TSC22D3: variants seen among roughly 807,000 people sequenced by gnomAD.
TSC22D3 encodes the protein TSC22 domain family protein 3.
TSC22D3 carries 4 observed loss-of-function variants against 11.1 expected under a neutral mutation model. That is an observed-to-expected ratio of 0.36 (90% CI 0.18 to 0.83). The LOEUF (loss-of-function observed/expected upper bound fraction) is 0.83, where lower values mean the gene tolerates loss of function less well. Ranked by LOEUF, TSC22D3 falls within the 40% of genes least tolerant of loss-of-function variation. The pLI is 0.48. For missense variants in TSC22D3, 118 were observed against 159.4 expected (o/e 0.74, Z 1.40); for synonymous variants, 77 against 70.3 (o/e 1.10, Z -0.48).
At chrX:107,735,341 G>A (rs1928082585) in intron 1 of TSC22D3, among the ~76,000 whole-genome samples, 4 of 111,661 alleles carry the variant, frequency 3.6e-5, no homozygotes, top group African/African-American at 9.8e-5. Flanking sequence ...CCCCTCTCAG[G>A]GCCTTGGTTT....
intron 1 of TSC22D3, among the ~76,000 whole-genome samples, chrX:107,736,466 TCTC>T (rs1314163156): frequency 9.0e-6 from 1 of 111,647 alleles, no homozygotes; most frequent in Non-Finnish European, 1.9e-5. Context: ...TTTATATTCT[TCTC>T]CTCATTCCTA....
intron 1 of TSC22D3, among the ~76,000 whole-genome samples, chrX:107,725,741 GA>G (rs1927587798): frequency 8.9e-6 from 1 of 111,736 alleles, no homozygotes; most frequent in Non-Finnish European, 1.9e-5. Flanking sequence ...AAGAGGAACG[GA>G]TGCCTTTTAA....
At chrX:107,743,363 G>C (rs1009530995) in intron 1 of TSC22D3, among the ~76,000 whole-genome samples, 9 of 112,310 alleles carry the variant, frequency 8.0e-5, no homozygotes, top group African/African-American at 2.9e-4. Context: ...CATCTAGTCT[G>C]ACCCTTTCAT....
intron 1 of TSC22D3, chrX:107,716,417 G>T (rs1927033579): frequency 1.0e-6 from 1 of 966,159 alleles, no homozygotes; most frequent in South Asian, 3.1e-5. Flanking sequence ...AGCCCTGTCT[G>T]GTCCTGCCCG....
intron 1 of TSC22D3, among the ~76,000 whole-genome samples, chrX:107,761,216 C>T (rs766584836): frequency 8.9e-6 from 1 of 112,375 alleles, no homozygotes; most frequent in Non-Finnish European, 1.9e-5. Flanking sequence ...CACATACTGG[C>T]TAATGTCCTC....
intron 1 of TSC22D3, among the ~76,000 whole-genome samples, chrX:107,725,100 A>G (rs2147731727): frequency 8.9e-6 from 1 of 112,359 alleles, no homozygotes; most frequent in Non-Finnish European, 1.9e-5. Context: ...ATGCCTTTGG[A>G]TTCCAATGAT....
intron 1 of TSC22D3, among the ~76,000 whole-genome samples, chrX:107,729,074 T>C (rs1189998575): frequency 8.9e-6 from 1 of 112,506 alleles, no homozygotes; most frequent in Non-Finnish European, 1.9e-5. Context: ...GATTGTTTTC[T>C]CCTTCTGTTC....
intron 1 of TSC22D3, among the ~76,000 whole-genome samples, chrX:107,726,495 TAAC>T (rs918296399): frequency 1.8e-5 from 2 of 112,210 alleles, no homozygotes; most frequent in African/African-American, 6.5e-5. Context: ...CAGCCTAAAA[TAAC>T]ATCCCCGGCC....
chrX:107,774,340 C>T (rs1930038904), intron 1 of TSC22D3, among the ~76,000 whole-genome samples: 1 of 111,026 alleles, frequency 9.0e-6, no homozygotes, highest in Non-Finnish European at 1.9e-5. Flanking sequence ...CTTGTCCTCT[C>T]CTTGCCTCCC....
In TSC22D3 at chrX:107,748,460, C is replaced by G. The variant is rs777816407; in HGVS notation, c.320+26640G>C. ...GTCACCATCATGGAGAAGGAAAAAT[C>G]GCTGCCTCCTTGGGTCAGCCCTTCC... is the stretch of plus-strand genomic sequence containing the variant. On this transcript the variant is annotated intron_variant, in intron 1 of 2. Transcript: ENST00000372383. Among the ~76,000 whole-genome samples, 16 of 111,791 alleles carry G rather than the reference C, an allele frequency of 1.4e-4. No individual in the cohort carries two copies. In the South Asian group the frequency reaches 4.5e-3, roughly 31 times the overall value.
chrX:107,771,730 A>G lies in TSC22D3; in HGVS notation c.320+3370T>C, dbSNP rs181162472. On this transcript the variant is annotated intron_variant, in intron 1 of 2. Transcript: ENST00000372383. ...TTATGGTTATTAGTTACATAATACA[A>G]GATTGAAAGGATGGTGTTTAAAATA... Among the ~76,000 whole-genome samples, 35 of 112,705 alleles carry G rather than the reference A, an allele frequency of 3.1e-4. No individual in the cohort carries two copies. The South Asian group carries it at 6.5e-3, about 21-fold the overall frequency.
chrX:107,725,334 G>A (rs989686785), intron 1 of TSC22D3, among the ~76,000 whole-genome samples: 27 of 112,431 alleles, frequency 2.4e-4, no homozygotes, highest in Middle Eastern at 4.2e-3. Flanking sequence ...GTGGGCCTAA[G>A]GGAGATTGTG....
intron 1 of TSC22D3, chrX:107,717,232 C>T: frequency 3.8e-6 from 1 of 260,604 alleles, no homozygotes; most frequent in Non-Finnish European, 5.4e-6. Context: ...CTTGTACCAA[C>T]TGGCATCTCC....
intron 1 of TSC22D3, among the ~76,000 whole-genome samples, chrX:107,724,525 C>T (rs866588215): frequency 8.8e-6 from 1 of 113,454 alleles, no homozygotes; most frequent in East Asian, 2.8e-4. Context: ...GGGCATCCGC[C>T]CCCCTTCCCC....
intron 1 of TSC22D3, chrX:107,722,362 CACAA>C (rs764557447): frequency 2.7e-4 from 31 of 113,901 alleles, no homozygotes; most frequent in Non-Finnish European, 4.4e-4. Flanking sequence ...ATGTGAGCAT[CACAA>C]ACAATCTCTG....
intron 1 of TSC22D3, among the ~76,000 whole-genome samples, chrX:107,725,145 T>G (rs1208634369): frequency 8.9e-6 from 1 of 112,716 alleles, no homozygotes; most frequent in Non-Finnish European, 1.9e-5. Context: ...CTTTGAGGAA[T>G]GAGAACGCCT....
At chrX:107,768,619 G>A (rs1032440034) in intron 1 of TSC22D3, among the ~76,000 whole-genome samples, 10 of 111,752 alleles carry the variant, frequency 8.9e-5, no homozygotes, top group Admixed American at 2.8e-4. Flanking sequence ...TCCAGGCCCC[G>A]TGCTGTAACA....
intron 1 of TSC22D3, among the ~76,000 whole-genome samples, chrX:107,746,436 T>A (rs1928661266): frequency 1.8e-5 from 2 of 109,932 alleles, no homozygotes; most frequent in Admixed American, 1.9e-4. Flanking sequence ...ACACACACAC[T>A]CATGCATGCA....
chrX:107,762,528 C>A (rs1929482635), intron 1 of TSC22D3, among the ~76,000 whole-genome samples: 1 of 111,782 alleles, frequency 8.9e-6, no homozygotes, highest in Non-Finnish European at 1.9e-5. Context: ...TTGCTTTCCC[C>A]ACCTGTCTGT....
Sources: allele counts gnomAD v4.1 joint callset (sites outside exome capture counted in the v4.1 genomes callset), GRCh38; gene constraint gnomAD v4.1.1; transcripts MANE v1.5; gene names NCBI Gene and HGNC (gene_info 2026-07-23, HGNC 2026-07-21).